Variants in TENM3 observed in about 807,000 individuals in gnomAD.
TENM3 encodes teneurin-3.
Under a neutral mutation model 255.1 loss-of-function variants are expected in TENM3, and 63 were observed. The ratio of observed to expected loss-of-function variants is 0.25; its 90% CI spans 0.20 to 0.30. TENM3 has a LOEUF of 0.30. TENM3 is among the 10% of genes least tolerant of loss of function. The pLI is 1.00. For synonymous variants in TENM3, 1,306 were observed against 1,322.3 expected, an observed-to-expected ratio of 0.99 and a Z score of 0.27; for missense variants, 2,929 against 3,461.1, an observed-to-expected ratio of 0.85 and a Z score of 3.86.
At chr4:182,679,986 C>A in intron 8 of TENM3, 110 bp downstream of exon 8, 1 of 956,614 alleles carries the variant, frequency 1.0e-6, no homozygotes, top group Non-Finnish European at 1.6e-6. Context: ...GTGTTAAAGC[C>A]CAGGTAAAAT....
the TENM3 span, among the ~76,000 whole-genome samples, chr4:181,921,792 A>C: frequency 6.6e-6 from 1 of 152,110 alleles, no homozygotes; most frequent in Admixed American, 6.6e-5. Context: ...GTGGTGAGAG[A>C]GGGCATCCCT....
the TENM3 span, among the ~76,000 whole-genome samples, chr4:182,059,123 T>C: frequency 6.6e-6 from 1 of 152,172 alleles, no homozygotes; most frequent in East Asian, 1.9e-4. Context: ...TGGCATCTGC[T>C]ACAGTGGCAA....
intron 3 of TENM3, among the ~76,000 whole-genome samples, chr4:182,431,469 G>A (rs1205963949): frequency 6.6e-6 from 1 of 152,138 alleles, no homozygotes; most frequent in African/African-American, 2.4e-5. Flanking sequence ...ACTCCAGCTG[G>A]CAACAAAGCG....
At chr4:181,706,183 C>T in the TENM3 span, among the ~76,000 whole-genome samples, 920 of 152,226 alleles carry the variant, frequency 6.0e-3, 9 homozygotes, top group African/African-American at 0.021. Flanking sequence ...ACGTTGTCTT[C>T]CCTCTGTCCA....
chr4:182,107,056 T>C, the TENM3 span, among the ~76,000 whole-genome samples: 3 of 152,102 alleles, frequency 2.0e-5, no homozygotes, highest in Non-Finnish European at 4.4e-5. Flanking sequence ...TATATTCTAC[T>C]GTATGGAACT....
the TENM3 span, among the ~76,000 whole-genome samples, chr4:182,063,143 T>C: frequency 6.6e-6 from 1 of 152,206 alleles, no homozygotes; most frequent in Admixed American, 6.5e-5. Context: ...ATAACATCAG[T>C]TTATTTTTAG....
At chr4:182,296,604 C>T (rs1761515467) in intron 1 of TENM3, among the ~76,000 whole-genome samples, 1 of 152,224 alleles carries the variant, frequency 6.6e-6, no homozygotes, top group African/African-American at 2.4e-5. Context: ...GACTTGAAAT[C>T]AAGCTCAGAG....
the TENM3 span, among the ~76,000 whole-genome samples, chr4:181,974,844 G>A: frequency 1.3e-5 from 2 of 152,152 alleles, no homozygotes; most frequent in African/African-American, 2.4e-5. Flanking sequence ...TATTACATAT[G>A]TAATGGTGGA....
intron 1 of TENM3, among the ~76,000 whole-genome samples, chr4:182,277,011 A>G (rs1438885720): frequency 6.6e-6 from 1 of 152,230 alleles, no homozygotes; most frequent in Non-Finnish European, 1.5e-5. Context: ...AAGCATTTAT[A>G]AAAGGCCTCT....
At position 182,783,634 on chromosome 4, in the gene TENM3, A is replaced by G. The variant is rs1328523910; in HGVS notation, c.5305-5459A>G. Among the ~76,000 whole-genome samples, 4 of 116,832 alleles carry G rather than the reference A, an allele frequency of 3.4e-5. No individual in the cohort carries two copies. In the East Asian group the frequency reaches 1.4e-3, roughly 40 times the overall value. 76.6% of individuals were successfully genotyped at this position (116,832 alleles called of 152,430 possible). A position where few individuals can be genotyped will look rare whatever the true frequency, so the allele number is the denominator to read the frequency against. On this transcript the variant is annotated intron_variant, in intron 24 of 27. Transcript: ENST00000511685. ...CTAGATTGGGGAAGTTCTCCTGGAT[A>G]ATATCCTGCAGAGTGTTTTCCAACT...
At chr4:181,752,904 T>C in the TENM3 span, among the ~76,000 whole-genome samples, 1 of 152,172 alleles carries the variant, frequency 6.6e-6, no homozygotes, top group Non-Finnish European at 1.5e-5. Flanking sequence ...TGACGAGACT[T>C]ATCCCATGTG....
At chr4:182,372,762 T>A (rs572308064) in intron 3 of TENM3, among the ~76,000 whole-genome samples, 5 of 152,368 alleles carry the variant, frequency 3.3e-5, no homozygotes, top group Admixed American at 2.6e-4. Context: ...TGAGTCTCGC[T>A]CTGTCACTCA....
the TENM3 span, among the ~76,000 whole-genome samples, chr4:181,685,998 G>A: frequency 1.3e-5 from 2 of 152,052 alleles, no homozygotes; most frequent in Non-Finnish European, 2.9e-5. Flanking sequence ...TTTTTGTATG[G>A]GAAACAAAAT....
chr4:182,792,701 A>G lies in TENM3; in HGVS notation c.6029A>G (p.Asp2010Gly), dbSNP rs1766204975. Reference protein sequence around the residue: ...IDRQIFRFSEDGMVNARFDYS... With the variant: ...IDRQIFRFSEGGMVNARFDYS... ...AGGCAGATTTTCCGCTTTAGTGAAG[A>G]TGGGATGGTAAATGCAAGATTTGAC... Residue 2010 changes from aspartate (D) to glycine (G), a missense_variant, in exon 26 of 28, where the codon GAT becomes GGT. This residue lies in a region of TENM3 where 303 missense variants were observed against 425.2 expected (regional missense o/e 0.71). Coordinates refer to ENST00000511685, the MANE Select transcript of TENM3 (RefSeq NM_001080477.4). This position sits in a 1 kb window ranked among gnomAD's most constrained non-coding sequence, Gnocchi z 6.3. The G allele has an allele frequency of 6.2e-7, 1 of 1,613,810 alleles. No homozygotes were observed. The highest frequency in any genetic ancestry group is 8.5e-7 in the Non-Finnish European group (1 of 1,179,902).
chr4:182,066,487 A>T, the TENM3 span, among the ~76,000 whole-genome samples: 1 of 152,118 alleles, frequency 6.6e-6, no homozygotes, highest in African/African-American at 2.4e-5. Flanking sequence ...CAAGTCCATT[A>T]GGGAACGAAT....
the TENM3 span, among the ~76,000 whole-genome samples, chr4:181,570,187 A>G: frequency 3.3e-5 from 5 of 151,684 alleles, no homozygotes; most frequent in African/African-American, 4.8e-5. Flanking sequence ...CTGGGACTAC[A>G]GGCGCCCGCC....
In TENM3 at chr4:182,616,428, C is replaced by T. The variant is rs377312091; in HGVS notation, c.750-12223C>T. ...GGGAGATATACCTAATGCTAGATGA[C>T]GAGTTAGTGGGTGCAGCGCACCAGC... On this transcript the variant is annotated intron_variant, in intron 4 of 27. Transcript: ENST00000511685. Among the ~76,000 whole-genome samples the T allele has an allele frequency of 1.2e-4, 17 of 146,986 alleles. 1 individual carries two copies. Among genetic ancestry groups the T allele is most frequent in the South Asian group, 4.3e-4 (2 of 4,640 alleles).
chr4:182,706,744 C>G (rs1758307363), intron 12 of TENM3, among the ~76,000 whole-genome samples: 1 of 152,070 alleles, frequency 6.6e-6, no homozygotes, highest in African/African-American at 2.4e-5. Context: ...GTTGGATCAC[C>G]TTAGGTCAGG....
intron 24 of TENM3, among the ~76,000 whole-genome samples, chr4:182,786,686 G>C (rs1464145634): frequency 2.6e-5 from 4 of 152,088 alleles, no homozygotes; most frequent in Non-Finnish European, 5.9e-5. Flanking sequence ...AAATACCGCA[G>C]AGATGAAGGA....
Sources: allele counts gnomAD v4.1 joint callset (sites outside exome capture counted in the v4.1 genomes callset), GRCh38; gene constraint gnomAD v4.1.1; regional missense constraint gnomAD v4.1.1; non-coding constraint Gnocchi (gnomAD v3.1); transcripts MANE v1.5; gene names NCBI Gene and HGNC (gene_info 2026-07-23, HGNC 2026-07-21).